Variants in USP25 observed in about 807,000 individuals in gnomAD.
The protein encoded by USP25 is ubiquitin carboxyl-terminal hydrolase 25.
USP25 carries 85 observed loss-of-function variants against 158.5 expected under a neutral mutation model. The observed-to-expected ratio is 0.54, with a 90% CI of 0.45 to 0.64. USP25 has a LOEUF of 0.64. Among genes scored for constraint, USP25 ranks in the 30% least tolerant of loss-of-function variants. The probability of loss-of-function intolerance (pLI) is 0.00; values close to 1 mark genes in which losing one functional copy is unlikely to be tolerated. For synonymous variants in USP25, 464 were observed against 460.4 expected, an observed-to-expected ratio of 1.01 and a Z score of -0.10; for missense variants, 1,242 against 1,327.3, an observed-to-expected ratio of 0.94 and a Z score of 1.00.
chr21:15,754,640 G>A (rs975656721), intron 1 of USP25, among the ~76,000 whole-genome samples: 1 of 152,194 alleles, frequency 6.6e-6, no homozygotes, highest in Non-Finnish European at 1.5e-5. Flanking sequence ...GAAAGAGAGG[G>A]AAGAGGAATG....
intron 1 of USP25, among the ~76,000 whole-genome samples, chr21:15,762,572 C>G (rs1171905867): frequency 6.6e-6 from 1 of 152,048 alleles, no homozygotes; most frequent in South Asian, 2.1e-4. Context: ...GATAAGGCCC[C>G]TTTTCTTGTT....
Position 15,730,703 on chromosome 21 carries a change from C to T in USP25, c.45+265C>T, listed in dbSNP as rs141429836. On this transcript the variant is annotated intron_variant, in intron 1 of 25. Coordinates refer to ENST00000400183, the MANE Select transcript of USP25 (RefSeq NM_001283041.3). ...GACGGTGCCAGGTATTGAGAGCGAC[C>T]CTCACATTCCTACAGTGCTCTGTGT... Among the ~76,000 whole-genome samples the T allele has an allele frequency of 2.5e-4, 38 of 152,346 alleles. No homozygotes were observed. In the East Asian group the frequency reaches 6.2e-3, roughly 25 times the overall value.
At chr21:15,845,347 G>GA (rs2038530702) in intron 18 of USP25, among the ~76,000 whole-genome samples, 1 of 151,964 alleles carries the variant, frequency 6.6e-6, no homozygotes, top group African/African-American at 2.4e-5. Flanking sequence ...ATTCATATAA[G>GA]ACCTGAAAAC....
intron 4 of USP25, among the ~76,000 whole-genome samples, chr21:15,781,621 T>C (rs11700743): frequency 1.6e-3 from 249 of 152,186 alleles, no homozygotes; most frequent in Non-Finnish European, 3.0e-3. Flanking sequence ...CTGTGGAGCA[T>C]AGAGTCAAGA....
intron 9 of USP25, among the ~76,000 whole-genome samples, chr21:15,817,566 A>G (rs2037005189): frequency 6.6e-6 from 1 of 152,094 alleles, no homozygotes; most frequent in Non-Finnish European, 1.5e-5. Flanking sequence ...CAATTTGCAA[A>G]AGAAAGAGGT....
At position 15,877,865 on chromosome 21, in the gene USP25, A is replaced by T; in HGVS notation, c.3079A>T (p.Ile1027Phe). Residue 1027 changes from isoleucine to phenylalanine, a missense_variant, in exon 25 of 26, where the codon ATC (isoleucine) becomes TTC (phenylalanine). By Grantham distance (21) the Ile-to-Phe change is conservative. Coordinates refer to ENST00000400183, the MANE Select transcript of USP25 (RefSeq NM_001283041.3). ...TCGAGAAGTAAACAATGGTTTGATT[A>T]TCATGAATGAGTTTATTGTCCCATT... is the stretch of plus-strand genomic sequence containing the variant. The part of the protein sequence containing the change: ...EDREVNNGLI[I>F]MNEFIVPFLP... 2 of 1,613,472 alleles carry T rather than the reference A, an allele frequency of 1.2e-6. No homozygotes were observed. Among genetic ancestry groups the T allele is most frequent in the Non-Finnish European group, 1.7e-6 (2 of 1,179,646 alleles).
chr21:15,799,856 A>G lies in USP25; in HGVS notation c.642+13A>G, dbSNP rs752124207. 1.3e-6 allele frequency: 2 copies of G among 1,592,924 alleles called. No homozygotes were observed. The highest frequency in any genetic ancestry group is 4.5e-5 in the East Asian group (2 of 44,560). ...CCGAAACCAAAAGGTAAAATTCAAAAGATTTTTTTAAGCAGTATATATACT... is the reference window on the plus strand; with the variant it reads ...CCGAAACCAAAAGGTAAAATTCAAAGGATTTTTTTAAGCAGTATATATACT... On this transcript the variant is annotated intron_variant, in intron 6 of 25. Transcript: ENST00000400183.
chr21:15,751,049 G>A (rs1032470467), intron 1 of USP25, among the ~76,000 whole-genome samples: 1 of 152,216 alleles, frequency 6.6e-6, no homozygotes, highest in Non-Finnish European at 1.5e-5. Context: ...AGGAGATTTG[G>A]TGTAAAGAAG....
intron 1 of USP25, chr21:15,745,211 C>G (rs2032436734): frequency 1.3e-5 from 2 of 152,112 alleles, no homozygotes; most frequent in South Asian, 4.1e-4. Flanking sequence ...CCTTATTGAC[C>G]ATTTTTATGT....
At chr21:15,783,925 G>A (rs955925279) in intron 4 of USP25, among the ~76,000 whole-genome samples, 2 of 151,810 alleles carry the variant, frequency 1.3e-5, no homozygotes, top group Non-Finnish European at 2.9e-5. Context: ...AGCCGAGATC[G>A]CGCCACTGCA....
rs1266776466 is a variant in USP25, at chr21:15,849,859, C to G, written c.2534C>G (p.Ala845Gly). The G allele has an allele frequency of 1.4e-5, 21 of 1,519,892 alleles. No homozygotes were observed. Among genetic ancestry groups the G allele is most frequent in the Middle Eastern group, 1.7e-4 (1 of 5,888 alleles). 94.2% of individuals were successfully genotyped at this position (1,519,892 alleles called of 1,614,324 possible). ...RSVYDRCGPE[A>G]GFFKAIKLEY... ...GTATATGACAGGTGTGGCCCTGAAGCAGGGTTCTTTAAGGTACAATGAACA... is the reference window on the plus strand; with the variant it reads ...GTATATGACAGGTGTGGCCCTGAAGGAGGGTTCTTTAAGGTACAATGAACA... The change falls in exon 20 of 26, where the codon GCA becomes GGA. Residue 845 changes from alanine (A) to glycine (G), a missense_variant. Physicochemically the swap from Ala to Gly is moderately conservative, Grantham distance 60 (BLOSUM62 0). This residue lies in a region of USP25 where 608 missense variants were observed against 605.2 expected (regional missense o/e 1.00). Transcript: ENST00000400183.
At position 15,833,002 on chromosome 21, in the gene USP25, C is replaced by A. The variant is rs150297123; in HGVS notation, c.1994-346C>A. ...CACTGCACTCCAGCCTGAGTGACAGCATGACACTCTGTCTCAAAAAAACAA... is the reference window on the plus strand; with the variant it reads ...CACTGCACTCCAGCCTGAGTGACAGAATGACACTCTGTCTCAAAAAAACAA... On this transcript the variant is annotated intron_variant, in intron 16 of 25. Coordinates refer to ENST00000400183, the MANE Select transcript of USP25 (RefSeq NM_001283041.3). 7.3e-3 allele frequency among the ~76,000 whole-genome samples: 1,104 copies of A among 152,030 alleles called. 11 individuals carry two copies. The highest frequency in any genetic ancestry group is 0.025 in the African/African-American group (1,049 of 41,494).
chr21:15,867,376 A>G (rs2039702574), intron 22 of USP25, among the ~76,000 whole-genome samples: 1 of 152,072 alleles, frequency 6.6e-6, no homozygotes, highest in Admixed American at 6.5e-5. Context: ...GAGAGAGAAA[A>G]CACTCATTAT....
At chr21:15,744,974 TG>T (rs2032409465) in intron 1 of USP25, 1 of 152,216 alleles carries the variant, frequency 6.6e-6, no homozygotes, top group Non-Finnish European at 1.5e-5. Flanking sequence ...CTCGGTTTGC[TG>T]TCTAAAGCAA....
At position 15,814,806 on chromosome 21, in the gene USP25, C is replaced by T. The variant is rs1382610668; in HGVS notation, c.931+3596C>T. ...CATAAAAGTTCAGAAAATTTGCAGC[C>T]TGATGATCCAGTAGAGCAGAAAACC... is the stretch of plus-strand genomic sequence containing the variant. On this transcript the variant is annotated intron_variant, in intron 9 of 25. Transcript: ENST00000400183. Among the ~76,000 whole-genome samples the T allele has an allele frequency of 3.3e-5, 5 of 152,100 alleles. No homozygotes were observed. In the East Asian group the frequency reaches 9.7e-4, roughly 29 times the overall value.
At chr21:15,820,136 C>T (rs1385371172) in intron 10 of USP25, among the ~76,000 whole-genome samples, 1 of 151,996 alleles carries the variant, frequency 6.6e-6, no homozygotes, top group Non-Finnish European at 1.5e-5. Flanking sequence ...AAGAGTGGGA[C>T]TTTACCAGTA....
Position 15,827,171 on chromosome 21 carries a change from G to A in USP25, c.1661G>A (p.Arg554His), listed in dbSNP as rs747492263. ...TCTGTGCTGGAAAGTTGTTTACATC[G>A]CTGGAGGACAGAAATAGAAAATGAC... ...ELSVLESCLHRWRTEIENDTR... is the reference protein window; with the variant it reads ...ELSVLESCLHHWRTEIENDTR... Residue 554 changes from arginine to histidine, a missense_variant, in exon 14 of 26, where the codon CGC becomes CAC. Physicochemically the swap from Arg to His is conservative, Grantham distance 29 (BLOSUM62 0). Around this residue, in one of 3 missense-constraint regions of USP25, gnomAD observed 627 missense variants for 701.4 expected, o/e 0.89. Coordinates refer to ENST00000400183, the MANE Select transcript of USP25 (RefSeq NM_001283041.3). 6 of 1,614,010 alleles carry A rather than the reference G, an allele frequency of 3.7e-6. No homozygotes were observed. The Admixed American group carries it at 1.0e-4, about 27-fold the overall frequency.
chr21:15,856,369 A>G (rs2085957137), intron 20 of USP25, among the ~76,000 whole-genome samples: 1 of 152,128 alleles, frequency 6.6e-6, no homozygotes, highest in Non-Finnish European at 1.5e-5. Context: ...GCATCTATTC[A>G]TTGTTTCTTG....
At chr21:15,793,409 A>G (rs2035697714) in intron 5 of USP25, among the ~76,000 whole-genome samples, 1 of 143,762 alleles carries the variant, frequency 7.0e-6, no homozygotes, top group Non-Finnish European at 1.5e-5. Flanking sequence ...TTTCTACCCT[A>G]AGTTTGCTAA....
Sources: gnomAD v4.1 joint callset for allele counts (sites outside exome capture counted in the v4.1 genomes callset) on GRCh38, gnomAD v4.1.1 for gene constraint, gnomAD v4.1.1 regional missense constraint, MANE v1.5 for transcripts, NCBI Gene and HGNC (gene_info 2026-07-23, HGNC 2026-07-21) for gene names.